The following CFAP210 variants were observed in gnomAD, a reference collection of about 807,000 sequenced individuals.
CFAP210 encodes the protein cilia- and flagella- associated protein 210.
At chr2:169,692,073 C>G in the CFAP210 span, among the ~76,000 whole-genome samples, 2 of 152,194 alleles carry the variant, frequency 1.3e-5, no homozygotes, top group Non-Finnish European at 2.9e-5. Flanking sequence ...AGGTGAGAGG[C>G]ATTTGCAGGT....
chr2:169,661,123 A>G, the CFAP210 span: 18 of 561,784 alleles, frequency 3.2e-5, no homozygotes, highest in East Asian at 8.1e-4. Flanking sequence ...TGCTGCTTCT[A>G]ACCGCTGAGA....
the CFAP210 span, chr2:169,674,752 A>T: frequency 2.3e-5 from 36 of 1,577,824 alleles, no homozygotes; most frequent in South Asian, 4.2e-4. Context: ...TCATAACTCT[A>T]CTAAGAAGAA....
At chr2:169,661,379 C>G in the CFAP210 span, 1 of 392,102 alleles carries the variant, frequency 2.6e-6, no homozygotes, top group Non-Finnish European at 4.9e-6. Context: ...TAATTCTATC[C>G]TTATCCTTTT....
the CFAP210 span, among the ~76,000 whole-genome samples, chr2:169,652,971 G>A: frequency 9.4e-6 from 1 of 106,494 alleles, no homozygotes; most frequent in African/African-American, 3.7e-5. Context: ...CTGCACTCCA[G>A]CCTGGGCGAC....
chr2:169,645,845 C>T, the CFAP210 span: 816 of 1,589,786 alleles, frequency 5.1e-4, 1 homozygote, highest in South Asian at 6.1e-3. Context: ...TTTTTTCTAC[C>T]ATGTAAAACC....
At chr2:169,690,013 T>C in the CFAP210 span, among the ~76,000 whole-genome samples, 30 of 152,306 alleles carry the variant, frequency 2.0e-4, no homozygotes, top group Non-Finnish European at 1.3e-4. Context: ...TAACTTATTT[T>C]TTGAGATGGG....
At chr2:169,674,565 T>A in the CFAP210 span, 2 of 1,559,474 alleles carry the variant, frequency 1.3e-6, no homozygotes, top group Admixed American at 2.2e-5. Flanking sequence ...AGGTATTTTA[T>A]GTATACATAC....
the CFAP210 span, among the ~76,000 whole-genome samples, chr2:169,669,730 G>A: frequency 2.0e-5 from 3 of 148,586 alleles, no homozygotes; most frequent in Non-Finnish European, 4.4e-5. Flanking sequence ...AGACAAGATC[G>A]CACCACTGCA....
the CFAP210 span, among the ~76,000 whole-genome samples, chr2:169,677,238 T>A: frequency 6.6e-6 from 1 of 152,184 alleles, no homozygotes; most frequent in Non-Finnish European, 1.5e-5. Context: ...ACAGCACGAC[T>A]CTGATACTCA....
chr2:169,677,427 C>T, the CFAP210 span, among the ~76,000 whole-genome samples: 1 of 152,126 alleles, frequency 6.6e-6, no homozygotes, highest in Non-Finnish European at 1.5e-5. Flanking sequence ...CAGTGTAATT[C>T]ACAATTTTAA....
the CFAP210 span, chr2:169,662,271 T>A: frequency 6.3e-7 from 1 of 1,589,830 alleles, no homozygotes; most frequent in Non-Finnish European, 8.5e-7. Flanking sequence ...TTTTGCCCTT[T>A]CAACTTACAA....
chr2:169,690,801 A>T, the CFAP210 span, among the ~76,000 whole-genome samples: 1 of 151,878 alleles, frequency 6.6e-6, no homozygotes, highest in Admixed American at 6.6e-5. Context: ...ATGTAATGTC[A>T]TTTCTCTTTT....
chr2:169,653,079 T>C, the CFAP210 span, among the ~76,000 whole-genome samples: 1 of 127,738 alleles, frequency 7.8e-6, no homozygotes, highest in African/African-American at 3.1e-5. Context: ...TATGTGTGTA[T>C]ATATATGTAT....
the CFAP210 span, among the ~76,000 whole-genome samples, chr2:169,691,410 T>C: frequency 6.6e-6 from 1 of 152,202 alleles, no homozygotes; most frequent in South Asian, 2.1e-4. Flanking sequence ...ATCTAGTAAA[T>C]CCAACATCTG....
chr2:169,672,589 C>G, the CFAP210 span, among the ~76,000 whole-genome samples: 1 of 152,176 alleles, frequency 6.6e-6, no homozygotes, highest in African/African-American at 2.4e-5. Context: ...ACGGAAGAAC[C>G]TGGAATCTGA....
At chr2:169,674,737 T>C in the CFAP210 span, 8 of 1,594,314 alleles carry the variant, frequency 5.0e-6, no homozygotes, top group Middle Eastern at 5.0e-4. Flanking sequence ...GGGCATCACG[T>C]TCTTTCATAA....
chr2:169,668,573 A>C, the CFAP210 span, among the ~76,000 whole-genome samples: 62,025 of 151,772 alleles, frequency 0.41, 12,945 homozygotes, highest in Non-Finnish European at 0.44. Context: ...GAGACGTGCA[A>C]CTCTTCCTTT....
the CFAP210 span, among the ~76,000 whole-genome samples, chr2:169,656,379 A>G: frequency 1.0e-5 from 1 of 100,206 alleles, no homozygotes; most frequent in Non-Finnish European, 2.3e-5. Flanking sequence ...GAAAGAGGAA[A>G]GAGGAGGAAG....
At chr2:169,646,214 T>C in the CFAP210 span, 1 of 1,500,152 alleles carries the variant, frequency 6.7e-7, no homozygotes, top group Non-Finnish European at 9.2e-7. Context: ...TTTAACTTAA[T>C]ATTGGTTAAG....
Sources: allele counts gnomAD v4.1 joint callset (sites outside exome capture counted in the v4.1 genomes callset), GRCh38; gene constraint gnomAD v4.1.1; transcripts MANE v1.5; gene names NCBI Gene and HGNC (gene_info 2026-07-23, HGNC 2026-07-21).